Variants in TPO observed in about 807,000 individuals in gnomAD.
TPO encodes thyroid peroxidase.
A neutral mutation model predicts 96.9 loss-of-function variants in TPO; 78 were observed. That is an observed-to-expected ratio of 0.81 (90% CI 0.67 to 0.97). The LOEUF is 0.97. Among genes scored for constraint, TPO ranks in the 50% least tolerant of loss-of-function variants. TPO has a pLI of 0.00. For missense variants in TPO, 1,252 were observed against 1,274.8 expected, an observed-to-expected ratio of 0.98 and a Z score of 0.27; for synonymous variants, 547 against 538.0, an observed-to-expected ratio of 1.02 and a Z score of -0.23.
At chr2:1,494,950 G>C (rs1573424317) in intron 11 of TPO, among the ~76,000 whole-genome samples, 1 of 152,106 alleles carries the variant, frequency 6.6e-6, no homozygotes, top group Non-Finnish European at 1.5e-5. Context: ...ATCACCAGGA[G>C]AACTTGTCTC....
intron 10 of TPO, among the ~76,000 whole-genome samples, chr2:1,489,191 C>T (rs1412707002): frequency 6.6e-6 from 1 of 151,632 alleles, no homozygotes; most frequent in African/African-American, 2.4e-5. Flanking sequence ...TGCACATACC[C>T]ATCACATGCC....
At chr2:1,429,107 T>C (rs1664725339) in intron 3 of TPO, among the ~76,000 whole-genome samples, 1 of 152,216 alleles carries the variant, frequency 6.6e-6, no homozygotes, top group Non-Finnish European at 1.5e-5. Context: ...ATTTCTAATA[T>C]ATATGGTGAG....
intron 1 of TPO, among the ~76,000 whole-genome samples, chr2:1,402,815 A>T (rs1662192914): frequency 6.6e-6 from 1 of 152,120 alleles, no homozygotes; most frequent in Non-Finnish European, 1.5e-5. Context: ...ACAATTCAAG[A>T]TGAGATTGAG....
chr2:1,442,867 G>C (rs921941481), intron 5 of TPO, among the ~76,000 whole-genome samples: 1 of 152,190 alleles, frequency 6.6e-6, no homozygotes, highest in East Asian at 1.9e-4. Flanking sequence ...GTAAATAATG[G>C]CCACCTTTGA....
At chr2:1,495,663 G>A (rs1180721508) in intron 11 of TPO, among the ~76,000 whole-genome samples, 1 of 152,246 alleles carries the variant, frequency 6.6e-6, no homozygotes, top group Admixed American at 6.5e-5. Flanking sequence ...TGCACGCTGT[G>A]CTGCCCCTCC....
At chr2:1,499,119 A>G (rs1293072334) in intron 13 of TPO, among the ~76,000 whole-genome samples, 1 of 152,138 alleles carries the variant, frequency 6.6e-6, no homozygotes, top group Non-Finnish European at 1.5e-5. Flanking sequence ...TTCAAGGTGC[A>G]AATAAAAGAT....
intron 10 of TPO, among the ~76,000 whole-genome samples, chr2:1,493,188 G>C (rs543873930): frequency 2.2e-5 from 3 of 135,016 alleles, no homozygotes; most frequent in Non-Finnish European, 4.7e-5. Context: ...AAAGATATTT[G>C]TGTGTGTGTG....
At chr2:1,461,432 C>T (rs185776433) in intron 7 of TPO, among the ~76,000 whole-genome samples, 1 of 152,316 alleles carries the variant, frequency 6.6e-6, no homozygotes, top group African/African-American at 2.4e-5. Context: ...GGCACTGTGG[C>T]TATGGTGCCG....
chr2:1,418,715 C>T (rs1283144669), intron 2 of TPO, among the ~76,000 whole-genome samples: 3 of 152,186 alleles, frequency 2.0e-5, no homozygotes, highest in Non-Finnish European at 2.9e-5. Context: ...GGCAAATGTT[C>T]CACAAGTTAT....
chr2:1,379,416 C>T (rs369867670), intron 1 of TPO, among the ~76,000 whole-genome samples: 1 of 152,256 alleles, frequency 6.6e-6, no homozygotes, highest in East Asian at 1.9e-4. Context: ...TTGTCCAGGG[C>T]TGGAGCAATC....
At chr2:1,483,910 A>G (rs931417992) in intron 8 of TPO, among the ~76,000 whole-genome samples, 2 of 152,338 alleles carry the variant, frequency 1.3e-5, no homozygotes, top group South Asian at 2.1e-4. Flanking sequence ...ATTTTTAAAC[A>G]ATCCACTTGC....
intron 15 of TPO, among the ~76,000 whole-genome samples, chr2:1,533,360 C>CA: frequency 8.0e-6 from 1 of 125,214 alleles, no homozygotes. Context: ...TTCCCAAATC[C>CA]CCCCACTGTG....
chr2:1,470,624 T>G (rs1026134337), intron 7 of TPO, among the ~76,000 whole-genome samples: 1 of 152,046 alleles, frequency 6.6e-6, no homozygotes, highest in Non-Finnish European at 1.5e-5. Context: ...CTCTATTTTG[T>G]GTAGATAAAA....
intron 7 of TPO, among the ~76,000 whole-genome samples, chr2:1,469,161 C>G (rs1297610996): frequency 2.0e-5 from 3 of 152,164 alleles, no homozygotes; most frequent in Non-Finnish European, 4.4e-5. Context: ...TTCTCTGGTG[C>G]CTTCCTGATT....
intron 5 of TPO, among the ~76,000 whole-genome samples, chr2:1,448,697 G>A (rs1448072434): frequency 1.3e-5 from 2 of 152,218 alleles, no homozygotes; most frequent in African/African-American, 4.8e-5. Flanking sequence ...GCTCCTGCAG[G>A]TAAATGGCTG....
chr2:1,417,942 A>G (rs111893520), intron 2 of TPO, among the ~76,000 whole-genome samples: 2,168 of 121,878 alleles, frequency 0.018, 73 homozygotes, highest in African/African-American at 0.067. Context: ...CACATCTGCA[A>G]TCCCAACACA....
intron 15 of TPO, among the ~76,000 whole-genome samples, chr2:1,534,711 A>G (rs1679160123): frequency 7.7e-6 from 1 of 130,608 alleles, no homozygotes; most frequent in Non-Finnish European, 1.6e-5. Context: ...ACAGTGTGCA[A>G]CCTCCTCAAT....
chr2:1,444,099 T>G (rs1666506107), intron 5 of TPO, among the ~76,000 whole-genome samples: 1 of 138,370 alleles, frequency 7.2e-6, no homozygotes, highest in Non-Finnish European at 1.5e-5. Context: ...TAGAAGGGAA[T>G]GGGGCAGGCT....
At position 1,516,946 on chromosome 2, in the gene TPO, G is replaced by A. The variant is rs377574661; in HGVS notation, c.2582G>A (p.Gly861Asp). Residue 861 changes from glycine to aspartate, a missense_variant, in exon 15 of 17, where the codon GGC becomes GAC. Coordinates refer to ENST00000329066, the MANE Select transcript of TPO (RefSeq NM_001206744.2). ...TCGCTGGCTGCTCTGCTGATCGGAG[G>A]CTTCGCAGGTCTCACCTCGACGGTG... Reference protein sequence around the residue: ...SMSLAALLIGGFAGLTSTVIC... With the variant: ...SMSLAALLIGDFAGLTSTVIC... The A allele has an allele frequency of 4.3e-6, 7 of 1,613,850 alleles. No individual in the cohort carries two copies. The African/African-American group carries it at 9.3e-5, about 22-fold the overall frequency.
Sources: gnomAD v4.1 joint callset for allele counts (sites outside exome capture counted in the v4.1 genomes callset) on GRCh38, gnomAD v4.1.1 for gene constraint, MANE v1.5 for transcripts, NCBI Gene and HGNC (gene_info 2026-07-23, HGNC 2026-07-21) for gene names.